The following ADARB2 variants were observed in gnomAD, a reference collection of about 807,000 sequenced individuals.
The protein encoded by ADARB2 is inactive double-stranded RNA-specific editase B2.
Under a neutral mutation model 62.2 loss-of-function variants are expected in ADARB2, and 25 were observed. The ratio of observed to expected loss-of-function variants is 0.40; its 90% CI spans 0.29 to 0.56. The LOEUF (loss-of-function observed/expected upper bound fraction) is 0.56, where lower values mean the gene tolerates loss of function less well. Ranked by LOEUF, ADARB2 falls within the 20% of genes least tolerant of loss-of-function variation. The pLI, the probability that ADARB2 is intolerant of heterozygous loss-of-function variation, is 0.43. For missense variants in ADARB2, 1,071 were observed against 1,077.4 expected, an observed-to-expected ratio of 0.99 and a Z score of 0.08; for synonymous variants, 572 against 500.8, an observed-to-expected ratio of 1.14 and a Z score of -1.90.
At chr10:1,337,230 A>C (rs747095452) in intron 3 of ADARB2, among the ~76,000 whole-genome samples, 6 of 152,166 alleles carry the variant, frequency 3.9e-5, no homozygotes, top group Non-Finnish European at 5.9e-5. Context: ...TTTTGGGCCA[A>C]ATAATCAAGT....
intron 1 of ADARB2, chr10:1,556,929 C>A: frequency 2.2e-6 from 1 of 447,170 alleles, no homozygotes; most frequent in Admixed American, 2.6e-5. Flanking sequence ...TTTTGGTGAC[C>A]TCAATATTTA....
At position 1,646,156 on chromosome 10, in the gene ADARB2, G is replaced by A. The variant is rs79571593; in HGVS notation, c.100+90895C>T. On this transcript the variant is annotated intron_variant, in intron 1 of 9. Coordinates refer to ENST00000381312, the MANE Select transcript of ADARB2 (RefSeq NM_018702.4). ...TAGGGGCAGCTTAAAACCCCTGAGGGATTTCCATTAGGACACACCCAGGTC... is the reference window on the plus strand; with the variant it reads ...TAGGGGCAGCTTAAAACCCCTGAGGAATTTCCATTAGGACACACCCAGGTC... Among the ~76,000 whole-genome samples, 373 of 152,122 alleles carry A rather than the reference G, an allele frequency of 2.5e-3. 2 individuals carry two copies. Among genetic ancestry groups the A allele is most frequent in the African/African-American group, 8.6e-3 (355 of 41,452 alleles).
intron 1 of ADARB2, among the ~76,000 whole-genome samples, chr10:1,731,375 C>T (rs1396819684): frequency 6.6e-6 from 1 of 152,164 alleles, no homozygotes; most frequent in Admixed American, 6.5e-5. Flanking sequence ...TGTCTTGATA[C>T]TAAGACAGTA....
intron 3 of ADARB2, among the ~76,000 whole-genome samples, chr10:1,301,208 G>C (rs916345932): frequency 2.0e-5 from 3 of 152,214 alleles, no homozygotes; most frequent in African/African-American, 7.2e-5. Context: ...TATGGACTCT[G>C]TGCGTGCTAA....
At chr10:1,191,240 G>C (rs976083002) in intron 8 of ADARB2, among the ~76,000 whole-genome samples, 1 of 152,060 alleles carries the variant, frequency 6.6e-6, no homozygotes, top group Non-Finnish European at 1.5e-5. Context: ...GACCAGCGGG[G>C]CTCACGGTCC....
chr10:1,574,416 G>C (rs1387672207), intron 1 of ADARB2, among the ~76,000 whole-genome samples: 1 of 152,214 alleles, frequency 6.6e-6, no homozygotes, highest in Non-Finnish European at 1.5e-5. Flanking sequence ...GGAGCCAGAG[G>C]ACGGGTTAGA....
chr10:1,319,293 G>A (rs550593586), intron 3 of ADARB2, among the ~76,000 whole-genome samples: 1 of 152,304 alleles, frequency 6.6e-6, no homozygotes, highest in South Asian at 2.1e-4. Flanking sequence ...ACCTCAAGAT[G>A]TATTATGGGT....
Position 1,401,667 on chromosome 10 carries a change from G to A in ADARB2, c.101-22507C>T, listed in dbSNP as rs111339297. Among the ~76,000 whole-genome samples, 384 of 152,328 alleles carry A rather than the reference G, an allele frequency of 2.5e-3. 4 individuals are homozygous for A. The highest frequency in any genetic ancestry group is 8.8e-3 in the African/African-American group (367 of 41,564). Reference sequence around the variant, plus strand: ...CCCGTGTCCCCATTTCTACCGAAGAGCGGCGGCTTCACGGCGGTTTGGGAG... The same window carrying A: ...CCCGTGTCCCCATTTCTACCGAAGAACGGCGGCTTCACGGCGGTTTGGGAG... On this transcript the variant is annotated intron_variant, in intron 1 of 9. Transcript: ENST00000381312.
chr10:1,290,900 T>C (rs1267714218), intron 3 of ADARB2: 1 of 152,232 alleles, frequency 6.6e-6, no homozygotes, highest in Non-Finnish European at 1.5e-5. Context: ...TGCTTTCTGG[T>C]CTACTCAGGA....
At chr10:1,452,985 C>T (rs374723410) in intron 1 of ADARB2, among the ~76,000 whole-genome samples, 35 of 152,268 alleles carry the variant, frequency 2.3e-4, no homozygotes, top group African/African-American at 8.2e-4. Context: ...GGGGTTGGGC[C>T]GGGCCTGACA....
intron 1 of ADARB2, among the ~76,000 whole-genome samples, chr10:1,685,468 C>A (rs1172909257): frequency 6.6e-6 from 1 of 152,156 alleles, no homozygotes; most frequent in East Asian, 1.9e-4. Context: ...CAGGCAGGTA[C>A]CGAATCCATC....
intron 4 of ADARB2, among the ~76,000 whole-genome samples, chr10:1,248,709 T>C (rs1299024332): frequency 6.6e-6 from 1 of 152,254 alleles, no homozygotes; most frequent in East Asian, 1.9e-4. Context: ...ATAGTGGCTA[T>C]TGGTGATCTC....
At chr10:1,249,800 T>A (rs375833658) in intron 4 of ADARB2, among the ~76,000 whole-genome samples, 4 of 152,088 alleles carry the variant, frequency 2.6e-5, no homozygotes, top group East Asian at 1.9e-4. Context: ...GAACATGTTA[T>A]GATTCTGTGT....
At chr10:1,621,003 T>C (rs558870487) in intron 1 of ADARB2, among the ~76,000 whole-genome samples, 1 of 152,322 alleles carries the variant, frequency 6.6e-6, no homozygotes, top group South Asian at 2.1e-4. Flanking sequence ...CCCAGCTCCA[T>C]CCTTAGTCAT....
intron 1 of ADARB2, among the ~76,000 whole-genome samples, chr10:1,565,134 T>G (rs2813369): frequency 0.95 from 145,364 of 152,280 alleles, 69,676 homozygotes; most frequent in Non-Finnish European, 1. Flanking sequence ...ATTTGCTTGA[T>G]AACATTTTAG....
intron 4 of ADARB2, among the ~76,000 whole-genome samples, chr10:1,262,247 C>A (rs1161253000): frequency 6.8e-6 from 1 of 146,010 alleles, no homozygotes; most frequent in Non-Finnish European, 1.5e-5. Context: ...GCATATGTAA[C>A]TAACCTGCAC....
At chr10:1,392,557 G>GA (rs143316866) in intron 1 of ADARB2, among the ~76,000 whole-genome samples, 59,554 of 152,020 alleles carry the variant, frequency 0.39, 12,214 homozygotes, top group Middle Eastern at 0.46. Flanking sequence ...CAGGCAGGAG[G>GA]AGGAGTAACA....
In ADARB2 at chr10:1,217,031, G is replaced by T. The variant is rs1293393385; in HGVS notation, c.1602C>A (p.Gly534=). The T allele has an allele frequency of 9.9e-6, 16 of 1,611,498 alleles. No homozygotes were observed. The highest frequency in any genetic ancestry group is 1.0e-5 in the Non-Finnish European group (12 of 1,179,448). Residue 534 remains glycine (G), a synonymous_variant, in exon 7 of 10, where the codon GGC becomes GGA. Transcript: ENST00000381312. Reference sequence around the variant, plus strand: ...CGTCCCAGGTCTGCACTGCGCTGGGGCCACGCACGGGGACCGTCCCTTCCC... The same window carrying T: ...CGTCCCAGGTCTGCACTGCGCTGGGTCCACGCACGGGGACCGTCCCTTCCC... The part of the protein sequence containing the change: ...ESGEGTVPVR[G]PSAVQTWDGV...
chr10:1,534,251 C>T (rs1832293961), intron 1 of ADARB2, among the ~76,000 whole-genome samples: 3 of 152,036 alleles, frequency 2.0e-5, no homozygotes. Context: ...ATTCTCCTGC[C>T]TCAGCCTCCC....
Sources: allele counts gnomAD v4.1 joint callset (sites outside exome capture counted in the v4.1 genomes callset), GRCh38; gene constraint gnomAD v4.1.1; transcripts MANE v1.5; gene names NCBI Gene and HGNC (gene_info 2026-07-23, HGNC 2026-07-21).